The following RAB31 variants were observed in gnomAD, a reference collection of about 807,000 sequenced individuals.
RAB31 encodes the protein RAB31, member RAS oncogene family.
RAB31 carries 21 observed loss-of-function variants against 25.6 expected under a neutral mutation model. The observed-to-expected ratio is 0.82, with a 90% CI of 0.58 to 1.18. The LOEUF (loss-of-function observed/expected upper bound fraction) is 1.18. RAB31 is among the 50% of genes most tolerant of loss of function. RAB31 has a pLI of 0.00. For missense variants in RAB31, 196 were observed against 250.1 expected (o/e 0.78, Z 1.46); for synonymous variants, 87 against 84.0 (o/e 1.04, Z -0.20).
chr18:9,736,929 A>G (rs77417270), intron 1 of RAB31, among the ~76,000 whole-genome samples: 4,912 of 152,316 alleles, frequency 0.032, 128 homozygotes, highest in Middle Eastern at 0.092. Context: ...GGTAGGGGCA[A>G]GGACTCGTTA....
chr18:9,769,612 T>C (rs2145487837), intron 1 of RAB31, among the ~76,000 whole-genome samples: 1 of 152,368 alleles, frequency 6.6e-6, no homozygotes, highest in South Asian at 2.1e-4. Flanking sequence ...GTTTTCTAAA[T>C]ATGCAATCAT....
chr18:9,709,803 G>A (rs543063606), intron 1 of RAB31, among the ~76,000 whole-genome samples: 1 of 152,326 alleles, frequency 6.6e-6, no homozygotes, highest in South Asian at 2.1e-4. Context: ...TTGTGTGGCA[G>A]GAGTGGGTTT....
chr18:9,796,236 G>GCT (rs2068486556), intron 3 of RAB31, among the ~76,000 whole-genome samples: 1 of 152,150 alleles, frequency 6.6e-6, no homozygotes, highest in Non-Finnish European at 1.5e-5. Context: ...AGGAAAGGGT[G>GCT]GGAGTGGGGG....
At chr18:9,780,105 G>A (rs2068394239) in intron 2 of RAB31, among the ~76,000 whole-genome samples, 1 of 151,670 alleles carries the variant, frequency 6.6e-6, no homozygotes, top group Non-Finnish European at 1.5e-5. Flanking sequence ...GAGACCTGGA[G>A]GTTGAGGCTG....
chr18:9,813,105 G>C (rs1027051560), intron 3 of RAB31, among the ~76,000 whole-genome samples: 1 of 152,202 alleles, frequency 6.6e-6, no homozygotes, highest in Non-Finnish European at 1.5e-5. Flanking sequence ...CTCCTGTCTG[G>C]GGATGAACGA....
intron 2 of RAB31, chr18:9,786,920 GA>G (rs2068436465): frequency 6.5e-6 from 1 of 153,304 alleles, no homozygotes; most frequent in Non-Finnish European, 1.5e-5. Context: ...AAACTACTTT[GA>G]GTCTCAGTGG....
intron 1 of RAB31, among the ~76,000 whole-genome samples, chr18:9,721,484 T>TG (rs1264486610): frequency 3.3e-5 from 5 of 151,854 alleles, no homozygotes; most frequent in Admixed American, 2.0e-4. Context: ...GGTGTGGTGG[T>TG]GCATGCCTGT....
intron 1 of RAB31, among the ~76,000 whole-genome samples, chr18:9,756,951 T>C (rs955406783): frequency 1.3e-5 from 2 of 152,162 alleles, no homozygotes; most frequent in Non-Finnish European, 2.9e-5. Context: ...CTGTTCTGAT[T>C]GATTGGTGCC....
At chr18:9,725,709 A>G (rs1204072851) in intron 1 of RAB31, among the ~76,000 whole-genome samples, 1 of 152,254 alleles carries the variant, frequency 6.6e-6, no homozygotes, top group Non-Finnish European at 1.5e-5. Context: ...AATTTGAACC[A>G]GGTTTGAAGC....
chr18:9,855,738 C>T (rs1453085844), intron 6 of RAB31, among the ~76,000 whole-genome samples: 1 of 152,134 alleles, frequency 6.6e-6, no homozygotes, highest in Non-Finnish European at 1.5e-5. Flanking sequence ...ATTTCCTTCT[C>T]CCTGTGTTTA....
In RAB31 at chr18:9,766,116, C is replaced by T. The variant is rs1016067057; in HGVS notation, c.40-9162C>T. ...CTTCCTGGATTGAGCTTCCTGAGCC[C>T]GTTTGTCTTCTGCTCTGAGTTGACC... On this transcript the variant is annotated intron_variant, in intron 1 of 6. Coordinates refer to ENST00000578921, the MANE Select transcript of RAB31 (RefSeq NM_006868.4). The surrounding 1 kb of genome is among the most constrained non-coding windows in gnomAD (Gnocchi z 4.3). Among the ~76,000 whole-genome samples, 3 of 152,206 alleles carry T rather than the reference C, an allele frequency of 2.0e-5. No homozygotes were observed. Among genetic ancestry groups the T allele is most frequent in the East Asian group, 1.9e-4 (1 of 5,172 alleles).
chr18:9,850,301 T>C (rs1320707956), intron 6 of RAB31, among the ~76,000 whole-genome samples: 1 of 152,198 alleles, frequency 6.6e-6, no homozygotes, highest in East Asian at 1.9e-4. Flanking sequence ...ATTATTTTTT[T>C]ATTTTTAGAG....
intron 3 of RAB31, among the ~76,000 whole-genome samples, chr18:9,810,595 G>A (rs2068565472): frequency 6.6e-6 from 1 of 152,168 alleles, no homozygotes. Context: ...ATTTCAAAGC[G>A]ATTCCATTTG....
intron 1 of RAB31, among the ~76,000 whole-genome samples, chr18:9,731,736 C>T (rs1241527377): frequency 1.3e-5 from 2 of 151,564 alleles, no homozygotes; most frequent in Non-Finnish European, 2.9e-5. Context: ...GCTGGGATTA[C>T]AGGCGTGTGG....
intron 1 of RAB31, among the ~76,000 whole-genome samples, chr18:9,769,339 C>T (rs561553562): frequency 6.6e-6 from 1 of 152,242 alleles, no homozygotes; most frequent in Non-Finnish European, 1.5e-5. Context: ...ATGGAATGTT[C>T]TTCCATTTGT....
intron 1 of RAB31, among the ~76,000 whole-genome samples, chr18:9,751,075 C>G (rs1331155927): frequency 6.6e-6 from 1 of 152,122 alleles, no homozygotes; most frequent in Non-Finnish European, 1.5e-5. Flanking sequence ...CGCATGGTCA[C>G]CCGGGCTGGA....
At chr18:9,811,591 T>C (rs772551257) in intron 3 of RAB31, among the ~76,000 whole-genome samples, 12 of 152,194 alleles carry the variant, frequency 7.9e-5, no homozygotes, top group Non-Finnish European at 1.8e-4. Context: ...AACCATATTA[T>C]TTAAAACTCA....
At chr18:9,829,725 A>C (rs1353150540) in intron 5 of RAB31, among the ~76,000 whole-genome samples, 1 of 152,180 alleles carries the variant, frequency 6.6e-6, no homozygotes, top group Non-Finnish European at 1.5e-5. Context: ...ATATAGTGCT[A>C]TCTGACAGTC....
chr18:9,755,913 G>T (rs2068258389), intron 1 of RAB31, among the ~76,000 whole-genome samples: 1 of 152,238 alleles, frequency 6.6e-6, no homozygotes, highest in African/African-American at 2.4e-5. Flanking sequence ...AGGCTGCCTT[G>T]TGTTTCCTGG....
Sources: allele counts gnomAD v4.1 joint callset (sites outside exome capture counted in the v4.1 genomes callset), GRCh38; gene constraint gnomAD v4.1.1; non-coding constraint Gnocchi (gnomAD v3.1); transcripts MANE v1.5; gene names NCBI Gene and HGNC (gene_info 2026-07-23, HGNC 2026-07-21).